COL18A1: variants seen among roughly 807,000 people sequenced by gnomAD.
The protein encoded by COL18A1 is collagen type XVIII alpha 1 chain.
COL18A1 carries 133 observed loss-of-function variants against 168.0 expected under a neutral mutation model. The observed-to-expected ratio is 0.79, with a 90% CI of 0.69 to 0.91. COL18A1 has a LOEUF of 0.91. Ranked by LOEUF, COL18A1 falls within the 40% of genes least tolerant of loss-of-function variation. The probability of loss-of-function intolerance (pLI) is 0.00; values close to 1 mark genes in which losing one functional copy is unlikely to be tolerated. For synonymous variants in COL18A1, 949 were observed against 809.0 expected (o/e 1.17, Z -2.94); for missense variants, 2,126 against 1,925.4 (o/e 1.10, Z -1.95).
Position 45,480,691 on chromosome 21 carries a change from C to T in COL18A1, c.1453-9C>T, listed in dbSNP as rs374053027. The T allele has an allele frequency of 3.1e-6, 5 of 1,610,778 alleles. No individual in the cohort carries two copies. The highest frequency in any genetic ancestry group is 2.2e-5 in the South Asian group (2 of 91,092). On this transcript the variant is annotated splice_polypyrimidine_tract_variant and intron_variant, in intron 12 of 41. Coordinates refer to ENST00000651438, the MANE Select transcript of COL18A1 (RefSeq NM_001379500.1). ...TGGGCTGTGACTATCTGTGTTCGCC[C>T]ACGTCCAGGGTCCTCGAGGCTTCCC...
chr21:45,480,224 C>A, intron 11 of COL18A1, 68 bp downstream of exon 11: 2 of 1,153,140 alleles, frequency 1.7e-6, no homozygotes, highest in Non-Finnish European at 2.6e-6. Context: ...CTGCCTCTGG[C>A]CCAGAAGTAT....
At chr21:45,485,180 T>TTTTTTTTTTTTTTTTTTA (rs2036067199) in intron 15 of COL18A1, among the ~76,000 whole-genome samples, 1 of 134,108 alleles carries the variant, frequency 7.5e-6, no homozygotes, top group Non-Finnish European at 1.6e-5. Context: ...TTTTTTTTTT[T>TTTTTTTTTTTTTTTTTTA]AGTAGAGGCA....
At chr21:45,494,469 C>T (rs2036464096) in intron 26 of COL18A1, 76 bp from the exon 27 acceptor site, 21 of 1,606,582 alleles carry the variant, frequency 1.3e-5, no homozygotes, top group Non-Finnish European at 1.7e-5. Context: ...GTGCCTTCGC[C>T]ACAGGGGCCC....
intron 2 of COL18A1, among the ~76,000 whole-genome samples, chr21:45,451,964 G>A (rs1049229361): frequency 6.6e-6 from 1 of 152,230 alleles, no homozygotes; most frequent in African/African-American, 2.4e-5. Flanking sequence ...CCCTCATGAC[G>A]ACACGTGTGT....
intron 26 of COL18A1, 82 bp downstream of exon 26, chr21:45,493,657 G>T (rs1346841009): frequency 9.5e-7 from 1 of 1,056,972 alleles, no homozygotes; most frequent in Non-Finnish European, 1.4e-6. Context: ...CTTCCTGAGG[G>T]TCTGGCTCCT....
intron 2 of COL18A1, among the ~76,000 whole-genome samples, chr21:45,419,375 G>A (rs759329914): frequency 7.9e-5 from 12 of 152,330 alleles, no homozygotes; most frequent in Non-Finnish European, 5.9e-5. Context: ...GTGGTGACAC[G>A]ATGCCGTGTG....
At chr21:45,478,212 A>G in intron 8 of COL18A1, 115 bp from the exon 9 acceptor site, 1 of 1,385,340 alleles carries the variant, frequency 7.2e-7, no homozygotes, top group Non-Finnish European at 1.0e-6. Flanking sequence ...ACATCGGGGG[A>G]AGGCGTCTGC....
chr21:45,468,632 C>A lies in COL18A1; in HGVS notation c.497C>A (p.Ala166Asp). 1 of 1,614,044 alleles carries A rather than the reference C, an allele frequency of 6.2e-7. No individual in the cohort carries two copies. Among genetic ancestry groups the A allele is most frequent in the Non-Finnish European group, 8.5e-7 (1 of 1,180,024 alleles). Residue 166 changes from alanine to aspartate, a missense_variant, in exon 3 of 42, where the codon GCC (alanine) becomes GAC (aspartate). Ala to Asp is a moderately radical substitution (Grantham distance 126). Transcript: ENST00000651438. ...PAFVGQWTHL[A>D]LSVAGGFVAL... ...TTCGTCGGCCAGTGGACACACTTAGCCCTCAGTGTGGCAGGTGGCTTTGTG... is the reference window on the plus strand; with the variant it reads ...TTCGTCGGCCAGTGGACACACTTAGACCTCAGTGTGGCAGGTGGCTTTGTG...
rs1247639677 is a variant in COL18A1, at chr21:45,505,388, CTGGGCCCCCT to C, written c.3045_3054del (p.Pro1018LeufsTer10). On this transcript the variant is annotated frameshift_variant, in exon 36 of 42. Coordinates refer to ENST00000651438, the MANE Select transcript of COL18A1 (RefSeq NM_001379500.1). LOFTEE classifies it high-confidence loss of function. ...AGCGTTCCCGGCCCTCCGGGCCCCCCTGGGCCCCCTGGGCCCCCTGGAACCATGGGCGCCT... is the reference window on the plus strand; with the variant it reads ...AGCGTTCCCGGCCCTCCGGGCCCCCCGGGCCCCCTGGAACCATGGGCGCCT... 3.2e-6 allele frequency: 5 copies of C among 1,571,792 alleles called. No homozygotes were observed. The highest frequency in any genetic ancestry group is 4.4e-6 in the Non-Finnish European group (5 of 1,149,168).
chr21:45,492,052 A>G (rs1170416419), intron 22 of COL18A1, among the ~76,000 whole-genome samples: 2 of 152,122 alleles, frequency 1.3e-5, no homozygotes, highest in African/African-American at 4.8e-5. Flanking sequence ...CCAGCTCCCC[A>G]CCTAGGAGGT....
intron 8 of COL18A1, 170 bp downstream of exon 8, chr21:45,478,135 G>A (rs1341552392): frequency 1.7e-5 from 14 of 801,854 alleles, no homozygotes; most frequent in Non-Finnish European, 2.7e-5. Context: ...GTGGTCAGAC[G>A]TGGGAGGCGG....
chr21:45,497,264 C>T (rs1207048642), intron 31 of COL18A1, among the ~76,000 whole-genome samples, 172 bp downstream of exon 31: 2 of 151,488 alleles, frequency 1.3e-5, no homozygotes, highest in African/African-American at 4.8e-5. Context: ...GCGGGCCCTC[C>T]CAGCACAGCC....
chr21:45,497,647 C>T lies in COL18A1; in HGVS notation c.2669C>T (p.Pro890Leu), dbSNP rs752740553. 62 of 1,568,086 alleles carry T rather than the reference C, an allele frequency of 4.0e-5. No individual in the cohort carries two copies. Among genetic ancestry groups the T allele is most frequent in the African/African-American group, 5.4e-5 (4 of 73,772 alleles). ...GPKGAKGEVG[P>L]PGPPGQFPFD... ...AAGGGCGCCAAAGGAGAAGTGGGCC[C>T]CCCCGGACCACCAGGTGAGCAACTC... The change falls in exon 32 of 42, where the codon CCC (proline) becomes CTC (leucine). Residue 890 changes from proline (P) to leucine (L), a missense_variant. Physicochemically the swap from Pro to Leu is moderately conservative, Grantham distance 98. Transcript: ENST00000651438.
intron 8 of COL18A1, 29 bp downstream of exon 8, chr21:45,477,994 C>T: frequency 8.1e-7 from 1 of 1,233,648 alleles, no homozygotes; most frequent in East Asian, 2.5e-5. Context: ...CCGAGTCCGG[C>T]CCGGTCTGGA....
intron 26 of COL18A1, 127 bp from the exon 27 acceptor site, chr21:45,494,418 T>C (rs1238442263): frequency 2.2e-6 from 3 of 1,390,412 alleles, no homozygotes; most frequent in East Asian, 4.6e-5. Context: ...ACAGCGGCCC[T>C]TAGGGAGGCT....
chr21:45,474,866 A>G (rs533559556), intron 4 of COL18A1, among the ~76,000 whole-genome samples: 3 of 152,140 alleles, frequency 2.0e-5, no homozygotes, highest in Admixed American at 2.0e-4. Context: ...ATTTTGCCCA[A>G]TAAGCCCGTT....
intron 4 of COL18A1, among the ~76,000 whole-genome samples, chr21:45,474,331 TTG>T (rs1026630907): frequency 1.3e-5 from 2 of 148,958 alleles, no homozygotes; most frequent in African/African-American, 2.5e-5. Context: ...GTCTTGTGTG[TTG>T]TGTGTGGATG....
Position 45,471,917 on chromosome 21 carries a change from T to C in COL18A1, c.652-1978T>C, listed in dbSNP as rs1235766306. Among the ~76,000 whole-genome samples the C allele has an allele frequency of 6.6e-6, 1 of 152,244 alleles. No individual in the cohort carries two copies. Among genetic ancestry groups the C allele is most frequent in the Non-Finnish European group, 1.5e-5 (1 of 68,038 alleles). On this transcript the variant is annotated intron_variant, in intron 3 of 41. Transcript: ENST00000651438. The surrounding 1 kb of genome is among the most constrained non-coding windows in gnomAD (Gnocchi z 4.4). ...ATATTTACAATGGGCCTGTGGCTTT[T>C]GCACTAGCGCCTCCTGCCCCACCCC... is the stretch of plus-strand genomic sequence containing the variant.
At chr21:45,429,647 G>A (rs1415123286) in intron 2 of COL18A1, among the ~76,000 whole-genome samples, 1 of 152,216 alleles carries the variant, frequency 6.6e-6, no homozygotes, top group Non-Finnish European at 1.5e-5. Flanking sequence ...GCAGGCGGCA[G>A]GATCCCAGGA....
Sources: gnomAD v4.1 joint callset for allele counts (sites outside exome capture counted in the v4.1 genomes callset) on GRCh38, gnomAD v4.1.1 for gene constraint, Gnocchi (gnomAD v3.1) non-coding constraint, MANE v1.5 for transcripts, NCBI Gene and HGNC (gene_info 2026-07-23, HGNC 2026-07-21) for gene names.